Variants in PIK3CG observed in about 807,000 individuals in gnomAD.
The protein encoded by PIK3CG is phosphatidylinositol-4,5-bisphosphate 3-kinase catalytic subunit gamma.
PIK3CG carries 55 observed loss-of-function variants against 102.3 expected under a neutral mutation model. The observed-to-expected ratio is 0.54, with a 90% CI of 0.43 to 0.67. The LOEUF (loss-of-function observed/expected upper bound fraction) is 0.67. PIK3CG is among the 30% of genes least tolerant of loss of function. The pLI, the probability that PIK3CG is intolerant of heterozygous loss-of-function variation, is 0.00. For missense variants in PIK3CG, 1,258 were observed against 1,391.8 expected (o/e 0.90, Z 1.53); for synonymous variants, 552 against 540.0 (o/e 1.02, Z -0.31).
chr7:106,899,198 T>C lies in PIK3CG; in HGVS notation c.3031-5911T>C, dbSNP rs115314333. On this transcript the variant is annotated intron_variant, in intron 10 of 10. Transcript: ENST00000496166. This position sits in a 1 kb window ranked among gnomAD's most constrained non-coding sequence, Gnocchi z 4.6. ...TGTTGGTGTATAGGAATGCGTGATTTTTTACACTGATTTTGGATCCTACAA... is the reference window on the plus strand; with the variant it reads ...TGTTGGTGTATAGGAATGCGTGATTCTTTACACTGATTTTGGATCCTACAA... Among the ~76,000 whole-genome samples, 4,066 of 152,272 alleles carry C rather than the reference T, an allele frequency of 0.027. 172 individuals carry two copies. The highest frequency in any genetic ancestry group is 0.093 in the African/African-American group (3,846 of 41,522).
At position 106,868,729 on chromosome 7, in the gene PIK3CG, G is replaced by A. The variant is rs747676202; in HGVS notation, c.1168G>A (p.Gly390Arg). The change falls in exon 2 of 11, where the codon GGG becomes AGG. Residue 390 changes from glycine (G) to arginine (R), a missense_variant. Physicochemically the swap from Gly to Arg is moderately radical, Grantham distance 125. This residue lies in a region of PIK3CG where 832 missense variants were observed against 787.5 expected (regional missense o/e 1.06). Coordinates refer to ENST00000496166, the MANE Select transcript of PIK3CG (RefSeq NM_001282426.2). The surrounding 1 kb of genome is among the most constrained non-coding windows in gnomAD (Gnocchi z 6.2). ...TTTTGTAGAGGCAAACATCCAGCAT[G>A]GGCAACAAGTCCTTTGCCAAAGGAG... Reference protein sequence around the residue: ...TVFVEANIQHGQQVLCQRRTS... With the variant: ...TVFVEANIQHRQQVLCQRRTS... 6.2e-7 allele frequency: 1 copy of A among 1,614,198 alleles called. No homozygotes were observed. Among genetic ancestry groups the A allele is most frequent in the South Asian group, 1.1e-5 (1 of 91,084 alleles).
At chr7:106,870,529 T>G (rs550195765) in intron 2 of PIK3CG, among the ~76,000 whole-genome samples, 1 of 152,310 alleles carries the variant, frequency 6.6e-6, no homozygotes, top group Non-Finnish European at 1.5e-5. Flanking sequence ...AAATAGATGT[T>G]TAATACCAAA....
In PIK3CG at chr7:106,890,174, A is replaced by G. The variant is rs979363114; in HGVS notation, c.3030+3882A>G. On this transcript the variant is annotated intron_variant, in intron 10 of 10. Transcript: ENST00000496166. The surrounding 1 kb of genome is among the most constrained non-coding windows in gnomAD (Gnocchi z 4.2). ...TTTTAAATGTCAGAATGTGTTTTTT[A>G]TTGTTCTCGTTGTTTTGTTTTGTTT... is the stretch of plus-strand genomic sequence containing the variant. 1.3e-5 allele frequency among the ~76,000 whole-genome samples: 2 copies of G among 152,096 alleles called. No homozygotes were observed. Among genetic ancestry groups the G allele is most frequent in the African/African-American group, 4.8e-5 (2 of 41,436 alleles).
At position 106,899,624 on chromosome 7, in the gene PIK3CG, G is replaced by A. The variant is rs554448288; in HGVS notation, c.3031-5485G>A. ...TTTCTGTGTCTATGGAGATAATCAT[G>A]TGGTTTTTGTCTTTAGTTCTTTGTA... is the stretch of plus-strand genomic sequence containing the variant. On this transcript the variant is annotated intron_variant, in intron 10 of 10. Coordinates refer to ENST00000496166, the MANE Select transcript of PIK3CG (RefSeq NM_001282426.2). This position sits in a 1 kb window ranked among gnomAD's most constrained non-coding sequence, Gnocchi z 4.6. Among the ~76,000 whole-genome samples the A allele has an allele frequency of 6.6e-6, 1 of 152,188 alleles. No homozygotes were observed. The highest frequency in any genetic ancestry group is 1.5e-5 in the Non-Finnish European group (1 of 68,040).
rs1189310093 is a variant in PIK3CG, at chr7:106,893,183, G to A, written c.3030+6891G>A. ...ATGTACTGAGCTGATAAAGGATTCC[G>A]TCTTGGGATCTGCACCCCGACCCAC... On this transcript the variant is annotated intron_variant, in intron 10 of 10. Transcript: ENST00000496166. This position sits in a 1 kb window ranked among gnomAD's most constrained non-coding sequence, Gnocchi z 4.4. 2.0e-5 allele frequency among the ~76,000 whole-genome samples: 3 copies of A among 152,108 alleles called. No homozygotes were observed. The highest frequency in any genetic ancestry group is 4.8e-5 in the African/African-American group (2 of 41,410).
In PIK3CG at chr7:106,907,963, G is replaced by A. The variant is rs117701040; in HGVS notation, c.*2576G>A. Among the ~76,000 whole-genome samples the A allele has an allele frequency of 8.6e-4, 131 of 151,614 alleles. 2 individuals carry two copies. Among genetic ancestry groups the A allele is most frequent in the South Asian group, 7.9e-3 (38 of 4,806 alleles). Reference sequence around the variant, plus strand: ...TGTGGGCTTCCTTCCTTTACTGTTCGCAGTGAATTACATGACGAACAACTT... The same window carrying A: ...TGTGGGCTTCCTTCCTTTACTGTTCACAGTGAATTACATGACGAACAACTT... On this transcript the variant is annotated 3_prime_UTR_variant, in exon 11 of 11. Coordinates refer to ENST00000496166, the MANE Select transcript of PIK3CG (RefSeq NM_001282426.2).
Position 106,894,860 on chromosome 7 carries a change from C to T in PIK3CG, c.3030+8568C>T, listed in dbSNP as rs749555171. On this transcript the variant is annotated intron_variant, in intron 10 of 10. Transcript: ENST00000496166. This position sits in a 1 kb window ranked among gnomAD's most constrained non-coding sequence, Gnocchi z 4.4. ...ATTGTATATAAAAGTAGTTTGTTTT[C>T]AGTTTAGTGAACTGATAGTTGGGGC... Among the ~76,000 whole-genome samples, 6 of 152,140 alleles carry T rather than the reference C, an allele frequency of 3.9e-5. No homozygotes were observed. The highest frequency in any genetic ancestry group is 5.9e-5 in the Non-Finnish European group (4 of 68,022).
chr7:106,882,175 C>A lies in PIK3CG; in HGVS notation c.2597C>A (p.Pro866Gln). Residue 866 changes from proline (P) to glutamine (Q), a missense_variant, in exon 7 of 11, where the codon CCA becomes CAA. Pro to Gln is a moderately conservative substitution (Grantham distance 76). Coordinates refer to ENST00000496166, the MANE Select transcript of PIK3CG (RefSeq NM_001282426.2). ...ETESLDLCLL[P>Q]YGCISTGDKI... ...GAATCTTTGGATCTATGCCTCCTGC[C>A]ATATGGTTGCATTTCAACTGGTGAC... 1 of 1,577,464 alleles carries A rather than the reference C, an allele frequency of 6.3e-7. No homozygotes were observed. Among genetic ancestry groups the A allele is most frequent in the Non-Finnish European group, 8.6e-7 (1 of 1,161,182 alleles).
chr7:106,903,282 C>A lies in PIK3CG; in HGVS notation c.3031-1827C>A, dbSNP rs1398239624. On this transcript the variant is annotated intron_variant, in intron 10 of 10. Transcript: ENST00000496166. This position sits in a 1 kb window ranked among gnomAD's most constrained non-coding sequence, Gnocchi z 4.3. ...TACTTTTTCAAAATGTTCTCTCAGGCCCTAATTATTTCAGATGAACTTTAA... is the reference window on the plus strand; with the variant it reads ...TACTTTTTCAAAATGTTCTCTCAGGACCTAATTATTTCAGATGAACTTTAA... Among the ~76,000 whole-genome samples, 4 of 152,106 alleles carry A rather than the reference C, an allele frequency of 2.6e-5. No homozygotes were observed. The highest frequency in any genetic ancestry group is 9.6e-5 in the African/African-American group (4 of 41,510).
Position 106,868,140 on chromosome 7 carries a change from C to G in PIK3CG, c.579C>G (p.Pro193=). 6.2e-7 allele frequency: 1 copy of G among 1,613,426 alleles called. No homozygotes were observed. The highest frequency in any genetic ancestry group is 8.5e-7 in the Non-Finnish European group (1 of 1,179,996). The part of the protein sequence containing the change: ...PRMAEVASRD[P]KLYAMHPWVT... ...TGGCGGAGGTGGCCAGCCGCGACCC[C>G]AAGCTCTACGCCATGCACCCGTGGG... is the stretch of plus-strand genomic sequence containing the variant. The change falls in exon 2 of 11, where the codon CCC becomes CCG. Residue 193 remains proline, a synonymous_variant. Transcript: ENST00000496166. The surrounding 1 kb of genome is among the most constrained non-coding windows in gnomAD (Gnocchi z 6.2).
Position 106,879,438 on chromosome 7 carries a change from GT to G in PIK3CG, c.2392-77del. ...CTTTGTCCTTGTTGTTTATAGTGATGTTTTGCAAGAGAATTTGTGTCTCCAC... is the reference window on the plus strand; with the variant it reads ...CTTTGTCCTTGTTGTTTATAGTGATGTTTGCAAGAGAATTTGTGTCTCCAC... On this transcript the variant is annotated intron_variant, in intron 5 of 10. Transcript: ENST00000496166. The surrounding 1 kb of genome is among the most constrained non-coding windows in gnomAD (Gnocchi z 4.9). 2.7e-6 allele frequency: 3 copies of G among 1,131,880 alleles called. No homozygotes were observed. Among genetic ancestry groups the G allele is most frequent in the Non-Finnish European group, 4.0e-6 (3 of 750,678 alleles). 70.1% of individuals were successfully genotyped at this position (1,131,880 alleles called of 1,614,324 possible).
At position 106,893,542 on chromosome 7, in the gene PIK3CG, A is replaced by G. The variant is rs916943662; in HGVS notation, c.3030+7250A>G. On this transcript the variant is annotated intron_variant, in intron 10 of 10. Coordinates refer to ENST00000496166, the MANE Select transcript of PIK3CG (RefSeq NM_001282426.2). The surrounding 1 kb of genome is among the most constrained non-coding windows in gnomAD (Gnocchi z 4.4). Reference sequence around the variant, plus strand: ...TGTCTAACATAGAATATTGTCAGGGACATTGTTTACCATATTACAAAACAT... The same window carrying G: ...TGTCTAACATAGAATATTGTCAGGGGCATTGTTTACCATATTACAAAACAT... 6.6e-6 allele frequency among the ~76,000 whole-genome samples: 1 copy of G among 152,220 alleles called. No homozygotes were observed. Among genetic ancestry groups the G allele is most frequent in the Non-Finnish European group, 1.5e-5 (1 of 68,042 alleles).
In PIK3CG at chr7:106,869,152, A is replaced by C. The variant is rs2116459166; in HGVS notation, c.1591A>C (p.Lys531Gln). ...TTACTGCCACCCGATAGCCCTGCCT[A>C]AGCATCAGCCCACCCCTGACCCGGA... is the stretch of plus-strand genomic sequence containing the variant. ...DNYCHPIALP[K>Q]HQPTPDPEGD... Residue 531 changes from lysine (K) to glutamine (Q), a missense_variant, in exon 2 of 11, where the codon AAG becomes CAG. Coordinates refer to ENST00000496166, the MANE Select transcript of PIK3CG (RefSeq NM_001282426.2). This position sits in a 1 kb window ranked among gnomAD's most constrained non-coding sequence, Gnocchi z 5.3. The C allele has an allele frequency of 6.2e-7, 1 of 1,614,208 alleles. No homozygotes were observed. Among genetic ancestry groups the C allele is most frequent in the Non-Finnish European group, 8.5e-7 (1 of 1,180,036 alleles).
chr7:106,872,207 C>G lies in PIK3CG; in HGVS notation c.1996-330C>G, dbSNP rs1054994662. Reference sequence around the variant, plus strand: ...ACAGTGTCTCCATCTTCCCCCTCTACCCCTCCAACAAAACCAGTAAGACCT... The same window carrying G: ...ACAGTGTCTCCATCTTCCCCCTCTAGCCCTCCAACAAAACCAGTAAGACCT... On this transcript the variant is annotated intron_variant, in intron 2 of 10. Coordinates refer to ENST00000496166, the MANE Select transcript of PIK3CG (RefSeq NM_001282426.2). The surrounding 1 kb of genome is among the most constrained non-coding windows in gnomAD (Gnocchi z 5.3). Among the ~76,000 whole-genome samples, 1 of 152,178 alleles carries G rather than the reference C, an allele frequency of 6.6e-6. No homozygotes were observed. Among genetic ancestry groups the G allele is most frequent in the African/African-American group, 2.4e-5 (1 of 41,430 alleles).
In PIK3CG at chr7:106,907,965, A is replaced by C. The variant is rs1192543731; in HGVS notation, c.*2578A>C. Among the ~76,000 whole-genome samples the C allele has an allele frequency of 1.3e-5, 2 of 151,876 alleles. No homozygotes were observed. The highest frequency in any genetic ancestry group is 4.8e-5 in the African/African-American group (2 of 41,346). On this transcript the variant is annotated 3_prime_UTR_variant, in exon 11 of 11. Transcript: ENST00000496166. ...TGGGCTTCCTTCCTTTACTGTTCGCAGTGAATTACATGACGAACAACTTCT... is the reference window on the plus strand; with the variant it reads ...TGGGCTTCCTTCCTTTACTGTTCGCCGTGAATTACATGACGAACAACTTCT...
rs768834476 is a variant in PIK3CG, at chr7:106,874,692, A to G, written c.2288-8A>G. 2 of 1,574,126 alleles carry G rather than the reference A, an allele frequency of 1.3e-6. No individual in the cohort carries two copies. The highest frequency in any genetic ancestry group is 2.2e-5 in the South Asian group (2 of 90,182). ...CACATAACTCTTGTGTACTTTTGAC[A>G]ATTACAGTTATTTCACAACTTAAAC... On this transcript the variant is annotated splice_region_variant and splice_polypyrimidine_tract_variant and intron_variant, in intron 4 of 10. Transcript: ENST00000496166. The surrounding 1 kb of genome is among the most constrained non-coding windows in gnomAD (Gnocchi z 4.3).
Position 106,907,767 on chromosome 7 carries a change from C to T in PIK3CG, c.*2380C>T, listed in dbSNP as rs1164552122. 6.8e-6 allele frequency among the ~76,000 whole-genome samples: 1 copy of T among 146,742 alleles called. No individual in the cohort carries two copies. Among genetic ancestry groups the T allele is most frequent in the Non-Finnish European group, 1.5e-5 (1 of 67,072 alleles). ...CATATATATGCTAATATATATATAA[C>T]ATATATATGCTAATATATATATATC... On this transcript the variant is annotated 3_prime_UTR_variant, in exon 11 of 11. Transcript: ENST00000496166.
chr7:106,876,558 AT>A (rs747506191), intron 5 of PIK3CG, among the ~76,000 whole-genome samples: 1,790 of 136,306 alleles, frequency 0.013, 13 homozygotes, highest in African/African-American at 0.031. Flanking sequence ...CACCCAGCTA[AT>A]TTTTTTTTTT....
intron 10 of PIK3CG, among the ~76,000 whole-genome samples, chr7:106,887,964 C>T (rs570537093): frequency 2.2e-4 from 19 of 86,468 alleles, no homozygotes; most frequent in East Asian, 8.2e-4. Context: ...TTTTTTGAGA[C>T]GGAGTCTTCC....
Sources: allele counts gnomAD v4.1 joint callset (sites outside exome capture counted in the v4.1 genomes callset), GRCh38; gene constraint gnomAD v4.1.1; regional missense constraint gnomAD v4.1.1; non-coding constraint Gnocchi (gnomAD v3.1); transcripts MANE v1.5; gene names NCBI Gene and HGNC (gene_info 2026-07-23, HGNC 2026-07-21).